The following TBC1D32 variants were observed in gnomAD, a reference collection of about 807,000 sequenced individuals.
TBC1D32 encodes the protein TBC1 domain family member 32.
TBC1D32 carries 151 observed loss-of-function variants against 170.3 expected under a neutral mutation model. The observed-to-expected ratio is 0.89, with a 90% confidence interval of 0.78 to 1.01. The LOEUF (loss-of-function observed/expected upper bound fraction) is 1.01. TBC1D32 is among the 50% of genes least tolerant of loss of function. The pLI is 0.00. For missense variants in TBC1D32, 1,464 were observed against 1,457.1 expected, an observed-to-expected ratio of 1.00 and a Z score of -0.08; for synonymous variants, 498 against 488.0, an observed-to-expected ratio of 1.02 and a Z score of -0.27.
intron 22 of TBC1D32, among the ~76,000 whole-genome samples, chr6:121,161,953 A>G (rs886745270): frequency 6.6e-6 from 1 of 151,870 alleles, no homozygotes; most frequent in African/African-American, 2.4e-5. Context: ...ACTTTTTTTC[A>G]TATGTTTGTT....
Position 121,317,773 on chromosome 6 carries a change from C to T in TBC1D32, c.318-101G>A, listed in dbSNP as rs183314979. The T allele has an allele frequency of 0.024, 18,831 of 796,914 alleles. 691 individuals carry two copies. Among genetic ancestry groups the T allele is most frequent in the East Asian group, 0.15 (4,949 of 33,062 alleles). 49.4% of individuals were successfully genotyped at this position (796,914 alleles called of 1,614,324 possible). ...TTTTTTTCTATAAAAAGGGAAGTCC[C>T]TTTAAGAACACAATGCTAAGGAGAA... On this transcript the variant is annotated intron_variant, in intron 2 of 31. Coordinates refer to ENST00000398212, the MANE Select transcript of TBC1D32 (RefSeq NM_152730.6).
Position 121,281,381 on chromosome 6 carries a change from A to C in TBC1D32, c.1608+163T>G, listed in dbSNP as rs61582983. 8.9e-3 allele frequency among the ~76,000 whole-genome samples: 1,348 copies of C among 151,798 alleles called. 25 individuals carry two copies. Among genetic ancestry groups the C allele is most frequent in the African/African-American group, 0.031 (1,274 of 41,542 alleles). ...TCATAATAAATCAATCAACTGCATA[A>C]GCTATAATTTAATAATAAATAAAAA... On this transcript the variant is annotated intron_variant, in intron 14 of 31. Transcript: ENST00000398212.
At chr6:121,155,906 A>G (rs1162014792) in intron 24 of TBC1D32, among the ~76,000 whole-genome samples, 1 of 152,032 alleles carries the variant, frequency 6.6e-6, no homozygotes, top group Non-Finnish European at 1.5e-5. Flanking sequence ...ATGCTGCTGG[A>G]TTTCATTTAC....
chr6:121,186,315 TG>T (rs1396121978), intron 22 of TBC1D32, among the ~76,000 whole-genome samples: 1 of 152,038 alleles, frequency 6.6e-6, no homozygotes, highest in African/African-American at 2.4e-5. Context: ...AGGGATGCTC[TG>T]TAGCACCTAC....
intron 26 of TBC1D32, among the ~76,000 whole-genome samples, chr6:121,119,563 G>A (rs1780045695): frequency 6.6e-6 from 1 of 151,934 alleles, no homozygotes; most frequent in South Asian, 2.1e-4. Context: ...ACATCACCCT[G>A]AAAGGGCCAT....
chr6:121,138,339 G>A (rs1262864276), intron 24 of TBC1D32, among the ~76,000 whole-genome samples: 1 of 152,096 alleles, frequency 6.6e-6, no homozygotes, highest in Non-Finnish European at 1.5e-5. Flanking sequence ...GGAGAAATCG[G>A]TGGAAATAAA....
chr6:121,086,878 AC>A (rs1385649668), intron 31 of TBC1D32, among the ~76,000 whole-genome samples: 1 of 152,244 alleles, frequency 6.6e-6, no homozygotes, highest in African/African-American at 2.4e-5. Context: ...TATGCGCGCT[AC>A]AGATGAGTTG....
intron 21 of TBC1D32, among the ~76,000 whole-genome samples, chr6:121,219,265 G>A (rs1794216130): frequency 1.3e-5 from 2 of 152,262 alleles, no homozygotes; most frequent in African/African-American, 4.8e-5. Flanking sequence ...CAAAAGAGTT[G>A]TTTGTTTTAA....
At chr6:121,082,619 A>G (rs1466194369) in intron 31 of TBC1D32, among the ~76,000 whole-genome samples, 1 of 152,074 alleles carries the variant, frequency 6.6e-6, no homozygotes, top group Non-Finnish European at 1.5e-5. Context: ...AGGAGATGAC[A>G]GCACTTGAAC....
rs763248088 is a variant in TBC1D32 at position 121,090,911 on chromosome 6, T to A, written c.3596A>T (p.His1199Leu). ...GTGCTGTAGAATGTCTTGCTGTAAATGTTTGAATACAGCTATACAGATATA... is the reference window on the plus strand; with the variant it reads ...GTGCTGTAGAATGTCTTGCTGTAAAAGTTTGAATACAGCTATACAGATATA... ...QVYICIAVFK[H>L]LQQDILQHTQ... Residue 1199 changes from histidine to leucine, a missense_variant, in exon 31 of 32, where the codon CAT (histidine) becomes CTT (leucine). His to Leu is a moderately conservative substitution (Grantham distance 99). This residue lies in a region of TBC1D32 where 97 missense variants were observed against 102.0 expected (regional missense o/e 0.95). Coordinates refer to ENST00000398212, the MANE Select transcript of TBC1D32 (RefSeq NM_152730.6). 1.2e-6 allele frequency: 2 copies of A among 1,612,692 alleles called. No individual in the cohort carries two copies. Among genetic ancestry groups the A allele is most frequent in the Admixed American group, 1.7e-5 (1 of 59,702 alleles).
rs139113824 is a variant in TBC1D32 at position 121,236,093 on chromosome 6, C to T, written c.2364+2977G>A. Among the ~76,000 whole-genome samples the T allele has an allele frequency of 5.4e-3, 815 of 150,510 alleles. 7 individuals are homozygous for T. Among genetic ancestry groups the T allele is most frequent in the African/African-American group, 0.019 (780 of 41,174 alleles). On this transcript the variant is annotated intron_variant, in intron 20 of 31. Transcript: ENST00000398212. ...TTCCTGTTCTTTTATTCTTTCCTCC[C>T]CACCTTATTCTGTGTTTGGTTTGTG...
intron 1 of TBC1D32, among the ~76,000 whole-genome samples, chr6:121,330,714 T>C (rs1230787130): frequency 1.3e-5 from 2 of 152,144 alleles, no homozygotes; most frequent in Admixed American, 6.5e-5. Flanking sequence ...CCAGGAAATT[T>C]TGATTCATCT....
intron 31 of TBC1D32, among the ~76,000 whole-genome samples, chr6:121,083,171 A>G (rs1007436138): frequency 6.6e-6 from 1 of 151,992 alleles, no homozygotes; most frequent in Non-Finnish European, 1.5e-5. Flanking sequence ...TCATCTATAG[A>G]CCAAAGTATA....
At chr6:121,125,341 C>T (rs1262606231) in intron 26 of TBC1D32, among the ~76,000 whole-genome samples, 1 of 152,158 alleles carries the variant, frequency 6.6e-6, no homozygotes, top group Non-Finnish European at 1.5e-5. Flanking sequence ...AGCACTGGAG[C>T]TATGCAGGAA....
In TBC1D32 at chr6:121,308,055, T is replaced by C. The variant is rs1807599601; in HGVS notation, c.611A>G (p.Asp204Gly). Residue 204 changes from aspartate (D) to glycine (G), a missense_variant, in exon 5 of 32, where the codon GAT (aspartate) becomes GGT (glycine). Transcript: ENST00000398212. ...LQTLCSAPPSDVLNCENWTTL... is the reference protein window; with the variant it reads ...LQTLCSAPPSGVLNCENWTTL... The stretch of plus-strand genomic sequence containing the variant: ...AGTCCAATTTTCACAGTTGAGGACA[T>C]CAGATGGAGGAGCTGAACATAATGT... 1.2e-6 allele frequency: 2 copies of C among 1,613,764 alleles called. No individual in the cohort carries two copies. Among genetic ancestry groups the C allele is most frequent in the Non-Finnish European group, 1.7e-6 (2 of 1,179,910 alleles).
At chr6:121,125,124 AT>A (rs149022583) in intron 26 of TBC1D32, among the ~76,000 whole-genome samples, 4,573 of 152,178 alleles carry the variant, frequency 0.03, 227 homozygotes, top group African/African-American at 0.1. Context: ...AGAATTATGT[AT>A]TTATTTTACT....
chr6:121,304,430 C>G lies in TBC1D32; in HGVS notation c.874-4G>C. On this transcript the variant is annotated splice_region_variant and splice_polypyrimidine_tract_variant and intron_variant, in intron 7 of 31. Coordinates refer to ENST00000398212, the MANE Select transcript of TBC1D32 (RefSeq NM_152730.6). ...GATATTCATTTAGAAGACGAACCTACAAAGCAGTGCACAATAGTTCTCAAA... is the reference window on the plus strand; with the variant it reads ...GATATTCATTTAGAAGACGAACCTAGAAAGCAGTGCACAATAGTTCTCAAA... The G allele has an allele frequency of 6.2e-7, 1 of 1,612,776 alleles. No homozygotes were observed. The highest frequency in any genetic ancestry group is 8.5e-7 in the Non-Finnish European group (1 of 1,179,418).
chr6:121,188,023 A>G (rs1583136457), intron 22 of TBC1D32, among the ~76,000 whole-genome samples: 1 of 152,256 alleles, frequency 6.6e-6, no homozygotes, highest in East Asian at 1.9e-4. Flanking sequence ...GAACCGGTCT[A>G]TCTGGATTCA....
At chr6:121,230,322 T>C (rs1795580283) in intron 20 of TBC1D32, among the ~76,000 whole-genome samples, 1 of 152,174 alleles carries the variant, frequency 6.6e-6, no homozygotes, top group Non-Finnish European at 1.5e-5. Context: ...CTACCATTTA[T>C]TGAGTGCCTA....
Sources: gnomAD v4.1 joint callset for allele counts (sites outside exome capture counted in the v4.1 genomes callset) on GRCh38, gnomAD v4.1.1 for gene constraint, gnomAD v4.1.1 regional missense constraint, MANE v1.5 for transcripts, NCBI Gene and HGNC (gene_info 2026-07-23, HGNC 2026-07-21) for gene names.